The following POLR3B variants were observed in gnomAD, a reference collection of about 807,000 sequenced individuals.
POLR3B encodes RNA polymerase III subunit B, also known as DNA-directed RNA polymerase III subunit RPC2.
POLR3B carries 96 observed loss-of-function variants against 147.4 expected under a neutral mutation model. That is an observed-to-expected ratio of 0.65 (90% CI 0.55 to 0.77). POLR3B has a LOEUF of 0.77. Among genes scored for constraint, POLR3B ranks in the 30% least tolerant of loss-of-function variants. POLR3B has a pLI of 0.00. For synonymous variants in POLR3B, 461 were observed against 485.9 expected, an observed-to-expected ratio of 0.95 and a Z score of 0.67; for missense variants, 1,036 against 1,413.5, an observed-to-expected ratio of 0.73 and a Z score of 4.28.
chr12:106,358,451 A>G (rs554881044), intron 1 of POLR3B, among the ~76,000 whole-genome samples: 12 of 152,288 alleles, frequency 7.9e-5, no homozygotes, highest in African/African-American at 2.4e-4. Context: ...AATATTTACT[A>G]AAGAATTTGC....
At chr12:106,482,693 G>A (rs561430966) in intron 23 of POLR3B, among the ~76,000 whole-genome samples, 1 of 152,192 alleles carries the variant, frequency 6.6e-6, no homozygotes, top group Non-Finnish European at 1.5e-5. Flanking sequence ...ATATCACTTA[G>A]GTAAGTATAT....
chr12:106,432,408 G>A lies in POLR3B; in HGVS notation c.1555G>A (p.Gly519Arg). ...GPIVKLASNL[G>R]VEDVNLLCGE... The stretch of plus-strand genomic sequence containing the variant: ...CATTGTTAAATTAGCCAGTAACTTG[G>A]GAGTAGAAGATGTGAATTTATTATG... Residue 519 changes from glycine to arginine, a missense_variant, in exon 15 of 28, where the codon GGA becomes AGA. By Grantham distance (125) the Gly-to-Arg change is moderately radical (BLOSUM62 -2). Transcript: ENST00000228347. 1 of 1,613,446 alleles carries A rather than the reference G, an allele frequency of 6.2e-7. No individual in the cohort carries two copies. The highest frequency in any genetic ancestry group is 8.5e-7 in the Non-Finnish European group (1 of 1,179,418).
chr12:106,461,158 G>A (rs2037928714), intron 22 of POLR3B, among the ~76,000 whole-genome samples: 1 of 151,806 alleles, frequency 6.6e-6, no homozygotes, highest in Non-Finnish European at 1.5e-5. Flanking sequence ...GCAATAGCAC[G>A]ATCTCGGCTC....
intron 12 of POLR3B, among the ~76,000 whole-genome samples, chr12:106,419,929 G>T (rs1373213902): frequency 6.6e-6 from 1 of 151,606 alleles, no homozygotes; most frequent in Non-Finnish European, 1.5e-5. Flanking sequence ...AGTTTTGTGG[G>T]TCAAGAATTC....
At position 106,463,931 on chromosome 12, in the gene POLR3B, A is replaced by G. The variant is rs74995711; in HGVS notation, c.2713+311A>G. On this transcript the variant is annotated intron_variant, in intron 23 of 27. Coordinates refer to ENST00000228347, the MANE Select transcript of POLR3B (RefSeq NM_018082.6). The stretch of plus-strand genomic sequence containing the variant: ...TGTAGCTGTTCAAAAAATAAATAGT[A>G]GTACCTTTTTTTTTTTCTGAAAGAT... Among the ~76,000 whole-genome samples the G allele has an allele frequency of 1.6e-3, 241 of 148,962 alleles. 5 individuals are homozygous for G. The East Asian group carries it at 0.043, about 26-fold the overall frequency.
At chr12:106,427,659 G>A (rs187189608) in intron 13 of POLR3B, among the ~76,000 whole-genome samples, 5 of 152,204 alleles carry the variant, frequency 3.3e-5, no homozygotes, top group Admixed American at 6.5e-5. Flanking sequence ...ATTTTATTCT[G>A]TAGTAAAATT....
At chr12:106,401,989 G>T (rs1022480634) in intron 10 of POLR3B, among the ~76,000 whole-genome samples, 2 of 152,174 alleles carry the variant, frequency 1.3e-5, no homozygotes, top group African/African-American at 2.4e-5. Context: ...AGGAAATAAA[G>T]AGTATTCAAT....
At chr12:106,388,275 A>G (rs1479670028) in intron 9 of POLR3B, among the ~76,000 whole-genome samples, 5 of 151,962 alleles carry the variant, frequency 3.3e-5, no homozygotes, top group Admixed American at 3.3e-4. Flanking sequence ...ATCAAATTTC[A>G]AGGGTGCTGG....
In POLR3B at chr12:106,369,910, A is replaced by G. The variant is rs1334392076; in HGVS notation, c.404+227A>G. ...GTTGAGGAAAATGTTTCCCTTTCCT[A>G]CTATAACTCTGAGCTGCTAGGGAAC... On this transcript the variant is annotated intron_variant, in intron 6 of 27. Transcript: ENST00000228347. Among the ~76,000 whole-genome samples the G allele has an allele frequency of 5.3e-5, 8 of 152,044 alleles. No homozygotes were observed. In the East Asian group the frequency reaches 7.8e-4, roughly 15 times the overall value.
chr12:106,462,687 C>T (rs2037956158), intron 22 of POLR3B, among the ~76,000 whole-genome samples: 1 of 152,244 alleles, frequency 6.6e-6, no homozygotes, highest in Non-Finnish European at 1.5e-5. Flanking sequence ...GCCCCTCTTG[C>T]ACACTAAGCC....
intron 10 of POLR3B, among the ~76,000 whole-genome samples, chr12:106,398,860 A>G (rs937228774): frequency 2.0e-5 from 3 of 152,240 alleles, no homozygotes; most frequent in Admixed American, 6.5e-5. Flanking sequence ...GACCAAAGGT[A>G]GATGAAACCA....
At position 106,393,077 on chromosome 12, in the gene POLR3B, C is replaced by T. The variant is rs1477836886; in HGVS notation, c.770C>T (p.Thr257Ile). The T allele has an allele frequency of 6.2e-7, 1 of 1,614,190 alleles. No individual in the cohort carries two copies. Among genetic ancestry groups the T allele is most frequent in the East Asian group, 2.2e-5 (1 of 44,886 alleles). The change falls in exon 10 of 28, where the codon ACA becomes ATA. Residue 257 changes from threonine to isoleucine, a missense_variant. Physicochemically the swap from Thr to Ile is moderately conservative, Grantham distance 89 (BLOSUM62 -1). Coordinates refer to ENST00000228347, the MANE Select transcript of POLR3B (RefSeq NM_018082.6). ...CAGGAAATTGTGCAGATGATTGGAACAGAGGAGCACGTGATGGCTGCATTT... is the reference window on the plus strand; with the variant it reads ...CAGGAAATTGTGCAGATGATTGGAATAGAGGAGCACGTGATGGCTGCATTT... The part of the protein sequence containing the change: ...SDQEIVQMIG[T>I]EEHVMAAFGP...
chr12:106,481,147 G>A (rs1372035682), intron 23 of POLR3B, among the ~76,000 whole-genome samples: 1 of 152,212 alleles, frequency 6.6e-6, no homozygotes, highest in Non-Finnish European at 1.5e-5. Context: ...GAGGCTCATA[G>A]GTCACTGCAG....
intron 9 of POLR3B, among the ~76,000 whole-genome samples, chr12:106,383,790 C>T (rs1268632436): frequency 6.6e-6 from 1 of 151,950 alleles, no homozygotes; most frequent in Non-Finnish European, 1.5e-5. Flanking sequence ...CCAGCCTGAC[C>T]AACATGGTGA....
intron 10 of POLR3B, among the ~76,000 whole-genome samples, chr12:106,393,499 G>A (rs1234466429): frequency 1.9e-4 from 10 of 51,364 alleles, no homozygotes; most frequent in African/African-American, 4.2e-4. Context: ...TTTTGTGTGT[G>A]TGTGTGTGTG....
intron 18 of POLR3B, among the ~76,000 whole-genome samples, chr12:106,440,065 AATATAG>A (rs1313109465): frequency 2.6e-5 from 4 of 152,172 alleles, no homozygotes; most frequent in Non-Finnish European, 4.4e-5. Context: ...ACTCAAAAAA[AATATAG>A]ATATAGATAT....
intron 14 of POLR3B, among the ~76,000 whole-genome samples, chr12:106,431,176 ATGTAGGGTCCAAAG>A (rs1193906157): frequency 6.6e-6 from 1 of 152,210 alleles, no homozygotes; most frequent in Non-Finnish European, 1.5e-5. Flanking sequence ...CAAGTAAAAG[ATGTAGGGTCCAAAG>A]TGTAGGAATT....
Position 106,432,527 on chromosome 12 carries a change from G to T in POLR3B, c.1627+47G>T, listed in dbSNP as rs766783150. The T allele has an allele frequency of 6.2e-6, 9 of 1,453,626 alleles. No individual in the cohort carries two copies. The South Asian group carries it at 9.1e-5, about 15-fold the overall frequency. 90.0% of individuals were successfully genotyped at this position (1,453,626 alleles called of 1,614,324 possible). Reference sequence around the variant, plus strand: ...GTTGGTCCTAGATAGTCTGTGAAGAGGGGGAGGGAATCCATTATTATCCTG... The same window carrying T: ...GTTGGTCCTAGATAGTCTGTGAAGATGGGGAGGGAATCCATTATTATCCTG... On this transcript the variant is annotated intron_variant, in intron 15 of 27. Coordinates refer to ENST00000228347, the MANE Select transcript of POLR3B (RefSeq NM_018082.6).
chr12:106,377,396 C>T (rs1170212797), intron 7 of POLR3B, among the ~76,000 whole-genome samples: 1 of 152,166 alleles, frequency 6.6e-6, no homozygotes, highest in Non-Finnish European at 1.5e-5. Context: ...TAGACTATAA[C>T]AGAATGTTGC....
Sources: gnomAD v4.1 joint callset for allele counts (sites outside exome capture counted in the v4.1 genomes callset) on GRCh38, gnomAD v4.1.1 for gene constraint, MANE v1.5 for transcripts, NCBI Gene and HGNC (gene_info 2026-07-23, HGNC 2026-07-21) for gene names.